Variants in CSMD1 observed in about 807,000 individuals in gnomAD.
CSMD1 encodes the protein CUB and Sushi multiple domains 1, also known as CUB and sushi domain-containing protein 1.
Under a neutral mutation model 417.5 loss-of-function variants are expected in CSMD1, and 213 were observed. The observed-to-expected ratio is 0.51, with a 90% confidence interval of 0.46 to 0.57. The LOEUF (loss-of-function observed/expected upper bound fraction) is 0.57. Ranked by LOEUF, CSMD1 falls within the 20% of genes least tolerant of loss-of-function variation. The pLI, the probability that CSMD1 is intolerant of heterozygous loss-of-function variation, is 0.00. For synonymous variants in CSMD1, 2,862 were observed against 1,736.8 expected (o/e 1.65, Z -16.11); for missense variants, 6,923 against 4,529.7 (o/e 1.53, Z -15.17).
At chr8:4,156,653 C>T (rs1344662618) in intron 3 of CSMD1, among the ~76,000 whole-genome samples, 1 of 152,030 alleles carries the variant, frequency 6.6e-6, no homozygotes, top group Non-Finnish European at 1.5e-5. Flanking sequence ...TACCAGGTAC[C>T]CATCTGCTTG....
chr8:3,739,106 A>G (rs1427274850), intron 6 of CSMD1, among the ~76,000 whole-genome samples: 1 of 151,988 alleles, frequency 6.6e-6, no homozygotes, highest in African/African-American at 2.4e-5. Context: ...TTTATTCTAT[A>G]AGTTTACATT....
At position 3,309,090 on chromosome 8, in the gene CSMD1, T is replaced by C. The variant is rs148740895; in HGVS notation, c.3632-587A>G. On this transcript the variant is annotated intron_variant, in intron 23 of 69. Coordinates refer to ENST00000635120, the MANE Select transcript of CSMD1 (RefSeq NM_033225.6). ...CAGTCCAAGCCTCCAGTCTGCACCC[T>C]GGATTCTCTGGTGAGCCCCAATGCC... Among the ~76,000 whole-genome samples, 30 of 152,210 alleles carry C rather than the reference T, an allele frequency of 2.0e-4. No homozygotes were observed. In the East Asian group the frequency reaches 5.0e-3, roughly 26 times the overall value.
intron 4 of CSMD1, among the ~76,000 whole-genome samples, chr8:4,003,912 G>C (rs1180220967): frequency 3.3e-5 from 5 of 150,092 alleles, no homozygotes; most frequent in African/African-American, 1.2e-4. Flanking sequence ...GCTACCAAAA[G>C]AGAAATGTTT....
At chr8:3,421,367 CAG>C (rs1241648274) in intron 12 of CSMD1, among the ~76,000 whole-genome samples, 6 of 152,218 alleles carry the variant, frequency 3.9e-5, no homozygotes, top group Admixed American at 6.5e-5. Context: ...ATTGAATGGG[CAG>C]AGATAAAGGA....
intron 46 of CSMD1, among the ~76,000 whole-genome samples, chr8:3,102,286 T>A (rs1815811242): frequency 6.6e-6 from 1 of 152,050 alleles, no homozygotes; most frequent in Non-Finnish European, 1.5e-5. Flanking sequence ...ACATCTAGGG[T>A]CTTATTTCCT....
chr8:4,976,471 C>A (rs1461079728), intron 1 of CSMD1, among the ~76,000 whole-genome samples: 1 of 152,168 alleles, frequency 6.6e-6, no homozygotes, highest in African/African-American at 2.4e-5. Context: ...AAACTGACTT[C>A]ACAATGCTCC....
chr8:4,156,760 A>G (rs1389178925), intron 3 of CSMD1, among the ~76,000 whole-genome samples: 2 of 152,158 alleles, frequency 1.3e-5, no homozygotes, highest in Non-Finnish European at 1.5e-5. Context: ...TGAACAGGAA[A>G]TCCAGACAGT....
intron 5 of CSMD1, among the ~76,000 whole-genome samples, chr8:3,911,483 G>C (rs1395355245): frequency 2.0e-5 from 3 of 149,802 alleles, no homozygotes; most frequent in Admixed American, 1.3e-4. Flanking sequence ...AGCCAAGATT[G>C]CGCCACTGCA....
At chr8:3,953,515 G>A (rs902739704) in intron 5 of CSMD1, among the ~76,000 whole-genome samples, 1 of 152,148 alleles carries the variant, frequency 6.6e-6, no homozygotes, top group African/African-American at 2.4e-5. Context: ...ACTGGGAAAA[G>A]ATAATGACAT....
intron 7 of CSMD1, among the ~76,000 whole-genome samples, chr8:3,654,936 C>A (rs1020524224): frequency 2.0e-5 from 3 of 152,180 alleles, no homozygotes; most frequent in Admixed American, 2.0e-4. Context: ...TCTCATCTGG[C>A]ACTTCCTGCT....
intron 3 of CSMD1, among the ~76,000 whole-genome samples, chr8:4,108,944 G>A (rs1202334723): frequency 1.3e-5 from 2 of 152,132 alleles, no homozygotes; most frequent in Admixed American, 6.5e-5. Flanking sequence ...CTTAGAAATT[G>A]TCCATTTATG....
chr8:3,830,571 T>A (rs1019569820), intron 5 of CSMD1, among the ~76,000 whole-genome samples: 2 of 152,250 alleles, frequency 1.3e-5, no homozygotes, highest in South Asian at 2.1e-4. Context: ...TCCAATAAGT[T>A]ATTATTGAAG....
At chr8:4,947,580 T>A (rs1808453312) in intron 1 of CSMD1, among the ~76,000 whole-genome samples, 1 of 152,044 alleles carries the variant, frequency 6.6e-6, no homozygotes, top group Admixed American at 6.6e-5. Flanking sequence ...GTATGAAAAA[T>A]TTGAAGATTT....
intron 25 of CSMD1, among the ~76,000 whole-genome samples, chr8:3,299,335 C>T (rs1804207881): frequency 1.3e-5 from 2 of 152,014 alleles, no homozygotes; most frequent in Non-Finnish European, 2.9e-5. Context: ...ACCTGTAATC[C>T]CAGCTACTCA....
At chr8:3,676,987 G>C (rs1209155357) in intron 7 of CSMD1, among the ~76,000 whole-genome samples, 8 of 152,154 alleles carry the variant, frequency 5.3e-5, no homozygotes, top group Middle Eastern at 3.4e-3. Context: ...GGAACATCAT[G>C]GACCGGGGCC....
intron 3 of CSMD1, among the ~76,000 whole-genome samples, chr8:4,242,333 T>C (rs1460205915): frequency 2.0e-5 from 3 of 152,106 alleles, no homozygotes; most frequent in Admixed American, 1.3e-4. Context: ...TTAGTAAACA[T>C]GAAAATTTGC....
rs774821554 is a variant in CSMD1 at position 2,938,685 on chromosome 8, G to A, written c.10595C>T (p.Ala3532Val). 3 of 1,611,770 alleles carry A rather than the reference G, an allele frequency of 1.9e-6. No individual in the cohort carries two copies. Among genetic ancestry groups the A allele is most frequent in the African/African-American group, 1.3e-5 (1 of 74,926 alleles). ...ATCATACATGGGGTTTTCAAACGAT[G>A]CTTGTCCATTGCTGTTTTCATGCCC... ...YAGHENSNGQ[A>V]SFENPMYDTN... Residue 3532 changes from alanine (A) to valine (V), a missense_variant, in exon 70 of 70, where the codon GCA becomes GTA. Transcript: ENST00000635120.
intron 1 of CSMD1, among the ~76,000 whole-genome samples, chr8:4,774,473 T>A (rs1372482234): frequency 6.6e-6 from 1 of 152,192 alleles, no homozygotes; most frequent in African/African-American, 2.4e-5. Flanking sequence ...TTTAGAGTAA[T>A]ATGCTTGATA....
At chr8:2,996,268 G>C (rs970438718) in intron 54 of CSMD1, among the ~76,000 whole-genome samples, 1 of 151,926 alleles carries the variant, frequency 6.6e-6, no homozygotes, top group African/African-American at 2.4e-5. Flanking sequence ...ATATAAACAC[G>C]TAATTTAGTA....
Sources: gnomAD v4.1 joint callset for allele counts (sites outside exome capture counted in the v4.1 genomes callset) on GRCh38, gnomAD v4.1.1 for gene constraint, MANE v1.5 for transcripts, NCBI Gene and HGNC (gene_info 2026-07-23, HGNC 2026-07-21) for gene names.